WDR33: variants seen among roughly 807,000 people sequenced by gnomAD.
The protein encoded by WDR33 is pre-mRNA 3' end processing protein WDR33.
Under a neutral mutation model 164.9 loss-of-function variants are expected in WDR33, and 47 were observed. The observed-to-expected ratio is 0.29, with a 90% CI of 0.23 to 0.36. The LOEUF is 0.36. Ranked by LOEUF, WDR33 falls within the 10% of genes least tolerant of loss-of-function variation. The probability of loss-of-function intolerance (pLI) is 1.00; values close to 1 mark genes in which losing one functional copy is unlikely to be tolerated. For synonymous variants in WDR33, 505 were observed against 589.0 expected (o/e 0.86, Z 2.06); for missense variants, 1,137 against 1,754.1 (o/e 0.65, Z 6.28).
rs577340845 is a variant in WDR33, at chr2:127,747,150, A to G, written c.724+15912T>C. Among the ~76,000 whole-genome samples, 15 of 152,312 alleles carry G rather than the reference A, an allele frequency of 9.8e-5. No individual in the cohort carries two copies. In the South Asian group the frequency reaches 3.1e-3, roughly 32 times the overall value. Reference sequence around the variant, plus strand: ...CAAATCTATGTGTCTAAATTATATGAAAATTAATTCTGGCATCTACACAAT... The same window carrying G: ...CAAATCTATGTGTCTAAATTATATGGAAATTAATTCTGGCATCTACACAAT... On this transcript the variant is annotated intron_variant, in intron 7 of 21. Transcript: ENST00000322313.
intron 1 of WDR33, among the ~76,000 whole-genome samples, chr2:127,804,443 T>C (rs1412401156): frequency 6.6e-6 from 1 of 152,250 alleles, no homozygotes; most frequent in African/African-American, 2.4e-5. Flanking sequence ...AAATGTTCAA[T>C]GTCCAGAATT....
At position 127,701,455 on chromosome 2, in the gene WDR33, C is replaced by G; in HGVS notation, c.*4868G>C. 6.5e-6 allele frequency: 8 copies of G among 1,228,886 alleles called. No individual in the cohort carries two copies. The highest frequency in any genetic ancestry group is 8.2e-6 in the Non-Finnish European group (8 of 981,008). The allele number at this position is 1,228,886 out of a possible 1,614,324, so 76.1% of individuals were successfully genotyped here. ...TCGCCGTCGCCGACCAATTGCCGCC[C>G]GAAGACCGAACCGCTTCAGCGGAGG... On this transcript the variant is annotated 3_prime_UTR_variant, in exon 22 of 22. Coordinates refer to ENST00000322313, the MANE Select transcript of WDR33 (RefSeq NM_018383.5).
chr2:127,774,103 G>A (rs963168126), intron 1 of WDR33, among the ~76,000 whole-genome samples: 1 of 142,544 alleles, frequency 7.0e-6, no homozygotes, highest in Admixed American at 7.2e-5. Flanking sequence ...CCTGGCTAGA[G>A]TGCAGTGGCA....
intron 1 of WDR33, among the ~76,000 whole-genome samples, chr2:127,783,277 C>CT (rs1162702741): frequency 6.6e-6 from 1 of 152,178 alleles, no homozygotes; most frequent in Non-Finnish European, 1.5e-5. Context: ...ATTTCAAAAG[C>CT]TAACTTTAAC....
At chr2:127,783,094 G>C (rs1359140789) in intron 1 of WDR33, among the ~76,000 whole-genome samples, 1 of 152,166 alleles carries the variant, frequency 6.6e-6, no homozygotes, top group African/African-American at 2.4e-5. Context: ...TAAAGGACTT[G>C]AGCATCTGTG....
At chr2:127,747,515 C>T (rs1687200992) in intron 7 of WDR33, among the ~76,000 whole-genome samples, 1 of 151,754 alleles carries the variant, frequency 6.6e-6, no homozygotes, top group Admixed American at 6.6e-5. Flanking sequence ...GAGCACTCAA[C>T]GTTAGCATAA....
At position 127,708,890 on chromosome 2, in the gene WDR33, G is replaced by A; in HGVS notation, c.3568C>T (p.Pro1190Ser). Residue 1190 changes from proline to serine, a missense_variant and splice_region_variant, in exon 21 of 22, where the codon CCA becomes TCA. Pro to Ser is a moderately conservative substitution (Grantham distance 74). This residue lies in a region of WDR33 where 867 missense variants were observed against 1,073.0 expected (regional missense o/e 0.81). Coordinates refer to ENST00000322313, the MANE Select transcript of WDR33 (RefSeq NM_018383.5). The surrounding 1 kb of genome is among the most constrained non-coding windows in gnomAD (Gnocchi z 6.7). ...DSWDGNREPG[P>S]GHEHFRDTPR... The stretch of plus-strand genomic sequence containing the variant: ...GTATCACGAAAATGTTCATGACCTG[G>A]CCCTGAAACAAGAAACAAATCTCCT... 6.4e-7 allele frequency: 1 copy of A among 1,551,734 alleles called. No homozygotes were observed. The highest frequency in any genetic ancestry group is 8.7e-7 in the Non-Finnish European group (1 of 1,144,598).
chr2:127,723,093 G>T lies in WDR33; in HGVS notation c.1292-49C>A. On this transcript the variant is annotated intron_variant, in intron 12 of 21. Coordinates refer to ENST00000322313, the MANE Select transcript of WDR33 (RefSeq NM_018383.5). The surrounding 1 kb of genome is among the most constrained non-coding windows in gnomAD (Gnocchi z 5.9). The stretch of plus-strand genomic sequence containing the variant: ...TCAATAGAGAATTTACAAAAGTAGC[G>T]ACTGATAAAATTAATGCTTTATAAA... 1.3e-6 allele frequency: 2 copies of T among 1,513,320 alleles called. No individual in the cohort carries two copies. The highest frequency in any genetic ancestry group is 2.4e-5 in the South Asian group (2 of 81,732). The allele number at this position is 1,513,320 out of a possible 1,614,324, so 93.7% of individuals were successfully genotyped here. A position where few individuals can be genotyped will look rare whatever the true frequency, so the allele number is the denominator to read the frequency against.
chr2:127,737,237 T>C, intron 7 of WDR33: 1 of 985,444 alleles, frequency 1.0e-6, no homozygotes, highest in African/African-American at 1.7e-5. Context: ...TTCTTTGATA[T>C]TAACACCAAT....
chr2:127,701,321 G>GA lies in WDR33; in HGVS notation c.*5001dup, dbSNP rs1317615144. ...GAAGAGGGTCAGGCGCTGGGAGGGC[G>GA]ACTGCAAGCGGACAGGCAGCACCTG... On this transcript the variant is annotated 3_prime_UTR_variant, in exon 22 of 22. Coordinates refer to ENST00000322313, the MANE Select transcript of WDR33 (RefSeq NM_018383.5). The GA allele has an allele frequency of 5.1e-6, 2 of 390,160 alleles. No homozygotes were observed. The highest frequency in any genetic ancestry group is 4.4e-6 in the Non-Finnish European group (1 of 229,148). The allele number at this position is 390,160 out of a possible 1,614,324, so 24.2% of individuals were successfully genotyped here. A position where few individuals can be genotyped will look rare whatever the true frequency, so the allele number is the denominator to read the frequency against.
chr2:127,708,566 G>C lies in WDR33; in HGVS notation c.3781+111C>G. On this transcript the variant is annotated intron_variant, in intron 21 of 21. Transcript: ENST00000322313. The surrounding 1 kb of genome is among the most constrained non-coding windows in gnomAD (Gnocchi z 6.7). ...CGTGTGGCACTGGCACCACATTTAG[G>C]AGCATGTGCCTCTGCACAGCCCAGG... is the stretch of plus-strand genomic sequence containing the variant. 1 of 1,223,200 alleles carries C rather than the reference G, an allele frequency of 8.2e-7. No homozygotes were observed. Among genetic ancestry groups the C allele is most frequent in the Non-Finnish European group, 1.1e-6 (1 of 882,180 alleles). 75.8% of individuals were successfully genotyped at this position (1,223,200 alleles called of 1,614,324 possible). A position where few individuals can be genotyped will look rare whatever the true frequency, so the allele number is the denominator to read the frequency against.
In WDR33 at chr2:127,722,161, T is replaced by A. The variant is rs1686457057; in HGVS notation, c.1519-173A>T. The stretch of plus-strand genomic sequence containing the variant: ...TGACTCATGCTAATTCTTACTGACA[T>A]ATTACTAGGTAGAAATTACTATGGT... On this transcript the variant is annotated intron_variant, in intron 14 of 21. Transcript: ENST00000322313. This position sits in a 1 kb window ranked among gnomAD's most constrained non-coding sequence, Gnocchi z 5.1. 6.6e-6 allele frequency among the ~76,000 whole-genome samples: 1 copy of A among 152,230 alleles called. No homozygotes were observed. Among genetic ancestry groups the A allele is most frequent in the African/African-American group, 2.4e-5 (1 of 41,460 alleles).
chr2:127,732,961 GCT>G (rs1433271016), intron 7 of WDR33, among the ~76,000 whole-genome samples: 3 of 151,972 alleles, frequency 2.0e-5, no homozygotes, highest in African/African-American at 4.8e-5. Context: ...ATCATTCCAG[GCT>G]CTTTGTGATT....
rs139633544 is a variant in WDR33, at chr2:127,721,255, G to A, written c.1671+581C>T. ...CCCATGTCACTGGGACCACAGGCAT[G>A]CACCACCATGCCCAGCTAATTTTTG... is the stretch of plus-strand genomic sequence containing the variant. On this transcript the variant is annotated intron_variant, in intron 15 of 21. Transcript: ENST00000322313. The surrounding 1 kb of genome is among the most constrained non-coding windows in gnomAD (Gnocchi z 4.9). Among the ~76,000 whole-genome samples the A allele has an allele frequency of 0.015, 2,237 of 152,168 alleles. 58 individuals are homozygous for A. Among genetic ancestry groups the A allele is most frequent in the African/African-American group, 0.05 (2,055 of 41,488 alleles).
chr2:127,722,526 GA>G lies in WDR33; in HGVS notation c.1518+64del, dbSNP rs1463967236. 3 of 1,575,344 alleles carry G rather than the reference GA, an allele frequency of 1.9e-6. No individual in the cohort carries two copies. In the African/African-American group the frequency reaches 4.1e-5, roughly 22 times the overall value. On this transcript the variant is annotated intron_variant, in intron 14 of 21. Transcript: ENST00000322313. The surrounding 1 kb of genome is among the most constrained non-coding windows in gnomAD (Gnocchi z 5.1). ...CACCTTCAACAGTGAGATAATCCAA[GA>G]GAAACCTCAAACTAACCAACCAAAA... is the stretch of plus-strand genomic sequence containing the variant.
In WDR33 at chr2:127,713,612, G is replaced by C. The variant is rs749304274; in HGVS notation, c.3279C>G (p.Asp1093Glu). ...CTTCTCTGCGCCCTCGAAAACGTGGGTCCTCGGGATCCCGGGGGAAACGTT... is the reference window on the plus strand; with the variant it reads ...CTTCTCTGCGCCCTCGAAAACGTGGCTCCTCGGGATCCCGGGGGAAACGTT... ...GDERFPRDPEDPRFRGRREES... is the reference protein window; with the variant it reads ...GDERFPRDPEEPRFRGRREES... The change falls in exon 18 of 22, where the codon GAC (aspartate) becomes GAG (glutamate). Residue 1093 changes from aspartate (D) to glutamate (E), a missense_variant. Asp to Glu is a conservative substitution (Grantham distance 45, BLOSUM62 2). This residue lies in a region of WDR33 where 867 missense variants were observed against 1,073.0 expected (regional missense o/e 0.81). Transcript: ENST00000322313. This position sits in a 1 kb window ranked among gnomAD's most constrained non-coding sequence, Gnocchi z 6.2. 5.3e-5 allele frequency: 86 copies of C among 1,614,132 alleles called. No individual in the cohort carries two copies. Among genetic ancestry groups the C allele is most frequent in the Non-Finnish European group, 6.9e-5 (82 of 1,180,056 alleles).
Position 127,763,535 on chromosome 2 carries a change from G to T in WDR33, c.627-376C>A. On this transcript the variant is annotated intron_variant, in intron 6 of 21. Transcript: ENST00000322313. The surrounding 1 kb of genome is among the most constrained non-coding windows in gnomAD (Gnocchi z 4.5). The stretch of plus-strand genomic sequence containing the variant: ...TCCTGCAGTCTTTTAAATCACACAC[G>T]AATACTGCTCCCAAAATTATCATCA... The T allele has an allele frequency of 9.7e-7, 1 of 1,026,928 alleles. No homozygotes were observed. The highest frequency in any genetic ancestry group is 1.2e-6 in the Non-Finnish European group (1 of 855,368). 63.6% of individuals were successfully genotyped at this position (1,026,928 alleles called of 1,614,324 possible).
chr2:127,734,096 T>C (rs1686778956), intron 7 of WDR33, among the ~76,000 whole-genome samples: 1 of 152,214 alleles, frequency 6.6e-6, no homozygotes, highest in Admixed American at 6.5e-5. Context: ...ACTTCTATAC[T>C]CCTTTCCACC....
intron 4 of WDR33, 130 bp downstream of exon 4, chr2:127,768,059 A>C (rs1215478316): frequency 3.4e-5 from 18 of 524,592 alleles, no homozygotes; most frequent in Non-Finnish European, 5.6e-5. Flanking sequence ...AAATAAAATT[A>C]CTAGCAATAA....
Sources: allele counts gnomAD v4.1 joint callset (sites outside exome capture counted in the v4.1 genomes callset), GRCh38; gene constraint gnomAD v4.1.1; regional missense constraint gnomAD v4.1.1; non-coding constraint Gnocchi (gnomAD v3.1); transcripts MANE v1.5; gene names NCBI Gene and HGNC (gene_info 2026-07-23, HGNC 2026-07-21).